The following FRMD3 variants were observed in gnomAD, a reference collection of about 807,000 sequenced individuals.
FRMD3 encodes FERM domain-containing protein 3.
In FRMD3, 33 loss-of-function variants were observed where a neutral mutation model predicts 70.2. The ratio of observed to expected loss-of-function variants is 0.47; its 90% CI spans 0.36 to 0.63. The LOEUF (loss-of-function observed/expected upper bound fraction) is 0.63. Ranked by LOEUF, FRMD3 falls within the 20% of genes least tolerant of loss-of-function variation. The probability of loss-of-function intolerance (pLI) is 0.00; values close to 1 mark genes in which losing one functional copy is unlikely to be tolerated. For synonymous variants in FRMD3, 279 were observed against 255.9 expected (o/e 1.09, Z -0.86); for missense variants, 632 against 711.4 (o/e 0.89, Z 1.27).
intron 1 of FRMD3, among the ~76,000 whole-genome samples, chr9:83,416,088 G>T (rs1042347104): frequency 6.6e-6 from 1 of 152,026 alleles, no homozygotes; most frequent in Non-Finnish European, 1.5e-5. Flanking sequence ...AGCCTGTAAG[G>T]GACCTTCAGC....
rs542737253 is a variant in FRMD3 at position 83,347,228 on chromosome 9, A to C, written c.374+2451T>G. Reference sequence around the variant, plus strand: ...CCCATATCAGTGATCTCAGGAGATAATCAAGAATTACTGTGGATTCAACAT... The same window carrying C: ...CCCATATCAGTGATCTCAGGAGATACTCAAGAATTACTGTGGATTCAACAT... On this transcript the variant is annotated intron_variant, in intron 4 of 13. Transcript: ENST00000304195. 2.1e-4 allele frequency among the ~76,000 whole-genome samples: 32 copies of C among 152,346 alleles called. No homozygotes were observed. In the South Asian group the frequency reaches 6.4e-3, roughly 31 times the overall value.
chr9:83,319,104 ACT>A (rs1354465966), intron 6 of FRMD3, among the ~76,000 whole-genome samples: 1 of 151,016 alleles, frequency 6.6e-6, no homozygotes, highest in African/African-American at 2.4e-5. Context: ...TTGTCTGTTT[ACT>A]CTGTTAATTA....
chr9:83,248,001 A>C lies in FRMD3; in HGVS notation c.1711T>G (p.Phe571Val). The change falls in exon 14 of 14, where the codon TTT becomes GTT. Residue 571 changes from phenylalanine to valine, a missense_variant. This residue lies in a region of FRMD3 where 418 missense variants were observed against 442.1 expected (regional missense o/e 0.95). Transcript: ENST00000304195. Reference protein sequence around the residue: ...EIRQTPEFEQFHYEYYCPLKE... With the variant: ...EIRQTPEFEQVHYEYYCPLKE... ...AGGGGACAGTAGTATTCATAGTGAA[A>C]CTGCTCAAACTCTGGTGTCTGGCGG... 2 of 1,614,190 alleles carry C rather than the reference A, an allele frequency of 1.2e-6. No homozygotes were observed. Among genetic ancestry groups the C allele is most frequent in the Non-Finnish European group, 1.7e-6 (2 of 1,180,040 alleles).
rs1470979199 is a variant in FRMD3 at position 83,290,804 on chromosome 9, G to A, written c.1071-77C>T. ...CCCTCCATCTCAGCGGGCTGCCCAAGCTACCATTTTGTGTCTACAGGGAAC... is the reference window on the plus strand; with the variant it reads ...CCCTCCATCTCAGCGGGCTGCCCAAACTACCATTTTGTGTCTACAGGGAAC... On this transcript the variant is annotated intron_variant, in intron 12 of 13. Transcript: ENST00000304195. The A allele has an allele frequency of 1.0e-5, 15 of 1,499,238 alleles. No individual in the cohort carries two copies. The South Asian group carries it at 1.6e-4, about 16-fold the overall frequency. The allele number at this position is 1,499,238 out of a possible 1,614,324, so 92.9% of individuals were successfully genotyped here. A position where few individuals can be genotyped will look rare whatever the true frequency, so the allele number is the denominator to read the frequency against.
At chr9:83,407,954 C>T (rs568885433) in intron 1 of FRMD3, among the ~76,000 whole-genome samples, 1 of 149,672 alleles carries the variant, frequency 6.7e-6, no homozygotes, top group African/African-American at 2.5e-5. Context: ...CCATGCAGCT[C>T]TCCATGTGTG....
intron 1 of FRMD3, among the ~76,000 whole-genome samples, chr9:83,533,906 T>G (rs1479495021): frequency 6.6e-6 from 1 of 152,178 alleles, no homozygotes; most frequent in Non-Finnish European, 1.5e-5. Flanking sequence ...GTATGAATAA[T>G]GTCAAAAATC....
intron 1 of FRMD3, among the ~76,000 whole-genome samples, chr9:83,416,457 T>C (rs1297441407): frequency 6.6e-6 from 1 of 152,248 alleles, no homozygotes; most frequent in African/African-American, 2.4e-5. Context: ...CGTATATTTA[T>C]CAGTTTATTT....
intron 13 of FRMD3, among the ~76,000 whole-genome samples, chr9:83,256,359 A>G (rs1832710282): frequency 2.0e-5 from 3 of 152,340 alleles, no homozygotes; most frequent in African/African-American, 7.2e-5. Flanking sequence ...CACCATGTAC[A>G]AAAACTAACT....
At chr9:83,342,492 A>T (rs1281801837) in intron 5 of FRMD3, among the ~76,000 whole-genome samples, 1 of 152,204 alleles carries the variant, frequency 6.6e-6, no homozygotes, top group African/African-American at 2.4e-5. Flanking sequence ...AGCTTAGGTA[A>T]CTTGGTAACT....
chr9:83,554,677 G>A, the FRMD3 span, among the ~76,000 whole-genome samples: 1 of 152,196 alleles, frequency 6.6e-6, no homozygotes, highest in Non-Finnish European at 1.5e-5. Context: ...TGAGGGCAAG[G>A]GCAGTTCCAC....
At chr9:83,558,752 T>C in the FRMD3 span, among the ~76,000 whole-genome samples, 1 of 152,260 alleles carries the variant, frequency 6.6e-6, no homozygotes, top group South Asian at 2.1e-4. Flanking sequence ...TTGTGATTCA[T>C]GGGAGGAGGT....
intron 13 of FRMD3, among the ~76,000 whole-genome samples, chr9:83,254,612 AAAAT>A (rs1563975671): frequency 6.6e-6 from 1 of 152,058 alleles, no homozygotes; most frequent in Admixed American, 6.6e-5. Flanking sequence ...ATTTTAGAAA[AAAAT>A]AAACTAGATA....
chr9:83,295,682 C>A (rs1834630400), intron 12 of FRMD3, among the ~76,000 whole-genome samples: 1 of 152,232 alleles, frequency 6.6e-6, no homozygotes, highest in Admixed American at 6.5e-5. Context: ...GTGACCCCTA[C>A]ACAGGTGCTT....
intron 3 of FRMD3, among the ~76,000 whole-genome samples, chr9:83,359,336 A>G (rs1824508235): frequency 6.6e-6 from 1 of 152,168 alleles, no homozygotes; most frequent in South Asian, 2.1e-4. Context: ...CCTGCTCAGG[A>G]GAAGCTTGAA....
intron 1 of FRMD3, among the ~76,000 whole-genome samples, chr9:83,466,335 C>G (rs1587881676): frequency 6.6e-6 from 1 of 152,316 alleles, no homozygotes; most frequent in African/African-American, 2.4e-5. Flanking sequence ...AGACATGATG[C>G]TCTTCTTCTG....
intron 1 of FRMD3, among the ~76,000 whole-genome samples, chr9:83,437,414 A>G (rs60329197): frequency 0.12 from 17,860 of 152,234 alleles, 1,134 homozygotes; most frequent in South Asian, 0.15. Context: ...TTGATGAGTT[A>G]AATAAATTTT....
intron 1 of FRMD3, among the ~76,000 whole-genome samples, chr9:83,419,151 G>C (rs1260503010): frequency 6.6e-6 from 1 of 151,920 alleles, no homozygotes; most frequent in East Asian, 1.9e-4. Context: ...AGGGTAGGAG[G>C]GGGGCCAGGG....
At chr9:83,562,474 T>C in the FRMD3 span, among the ~76,000 whole-genome samples, 1 of 152,146 alleles carries the variant, frequency 6.6e-6, no homozygotes, top group Non-Finnish European at 1.5e-5. Flanking sequence ...TTAACAAAAA[T>C]GGAACTCCTA....
At position 83,246,741 on chromosome 9, in the gene FRMD3, G is replaced by T; in HGVS notation, c.*1177C>A. The T allele has an allele frequency of 6.1e-6, 6 of 984,426 alleles. No individual in the cohort carries two copies. The highest frequency in any genetic ancestry group is 7.2e-6 in the Non-Finnish European group (6 of 829,774). The allele number at this position is 984,426 out of a possible 1,614,324, so 61.0% of individuals were successfully genotyped here. On this transcript the variant is annotated 3_prime_UTR_variant, in exon 14 of 14. Coordinates refer to ENST00000304195, the MANE Select transcript of FRMD3 (RefSeq NM_174938.6). ...TTCTTCTACAGAATCACAACAAATG[G>T]CATGAGGGATCAAAATATTTACCTT...
Sources: allele counts gnomAD v4.1 joint callset (sites outside exome capture counted in the v4.1 genomes callset), GRCh38; gene constraint gnomAD v4.1.1; regional missense constraint gnomAD v4.1.1; transcripts MANE v1.5; gene names NCBI Gene and HGNC (gene_info 2026-07-23, HGNC 2026-07-21).